AGBL3: variants seen among roughly 807,000 people sequenced by gnomAD.
The protein encoded by AGBL3 is cytosolic carboxypeptidase 3.
AGBL3 carries 68 observed loss-of-function variants against 94.5 expected under a neutral mutation model. That is an observed-to-expected ratio of 0.72 (90% CI 0.59 to 0.88). AGBL3 has a LOEUF of 0.88. Ranked by LOEUF, AGBL3 falls within the 40% of genes least tolerant of loss-of-function variation. The pLI is 0.00. For missense variants in AGBL3, 934 were observed against 1,103.8 expected (o/e 0.85, Z 2.18); for synonymous variants, 354 against 370.7 (o/e 0.95, Z 0.52).
intron 8 of AGBL3, among the ~76,000 whole-genome samples, chr7:135,043,306 T>C (rs1307308911): frequency 6.6e-6 from 1 of 152,154 alleles, no homozygotes; most frequent in Non-Finnish European, 1.5e-5. Context: ...ACAACATGGA[T>C]GGAACTGGAG....
intron 5 of AGBL3, among the ~76,000 whole-genome samples, chr7:135,024,269 G>A (rs1002006839): frequency 7.9e-5 from 12 of 152,200 alleles, no homozygotes; most frequent in African/African-American, 2.9e-4. Flanking sequence ...ACCATAGAGT[G>A]CTGCTGCAGG....
chr7:135,112,181 C>T (rs1006339160), intron 15 of AGBL3, among the ~76,000 whole-genome samples: 2 of 152,170 alleles, frequency 1.3e-5, no homozygotes, highest in Non-Finnish European at 2.9e-5. Context: ...CCTCATTTTG[C>T]CTCCCTTGAA....
intron 5 of AGBL3, among the ~76,000 whole-genome samples, chr7:135,017,497 A>G (rs1349189155): frequency 6.6e-6 from 1 of 152,254 alleles, no homozygotes; most frequent in Admixed American, 6.5e-5. Context: ...TATGGCTCAC[A>G]TTCATGCATT....
At chr7:134,988,127 A>G in intron 2 of AGBL3, 131 bp downstream of exon 2, 1 of 737,430 alleles carries the variant, frequency 1.4e-6, no homozygotes. Context: ...TGAAGTTGGG[A>G]AATAATTTGG....
At chr7:135,096,540 AAAAG>A (rs58038162) in intron 15 of AGBL3, among the ~76,000 whole-genome samples, 3,794 of 64,512 alleles carry the variant, frequency 0.059, 89 homozygotes, top group South Asian at 0.098. Context: ...AACAAAAAGA[AAAAG>A]AAAGAAAGAA....
chr7:135,080,703 T>G (rs1412926885), intron 14 of AGBL3, among the ~76,000 whole-genome samples: 2 of 150,990 alleles, frequency 1.3e-5, no homozygotes, highest in African/African-American at 4.8e-5. Flanking sequence ...TGCAACCTGC[T>G]AAGTCTGATG....
chr7:135,073,540 G>T (rs1820163486), intron 12 of AGBL3, among the ~76,000 whole-genome samples: 1 of 151,744 alleles, frequency 6.6e-6, no homozygotes, highest in African/African-American at 2.4e-5. Flanking sequence ...AGTGTAGTAG[G>T]AAGAGCCGCA....
Position 135,134,951 on chromosome 7 carries a change from GGGTCCAGTCTAA to G in AGBL3, c.2455_2466del (p.Val819_Lys822del). The G allele has an allele frequency of 6.4e-7, 1 of 1,551,128 alleles. No individual in the cohort carries two copies. Among genetic ancestry groups the G allele is most frequent in the Non-Finnish European group, 8.7e-7 (1 of 1,146,646 alleles). On this transcript the variant is annotated inframe_deletion, in exon 17 of 17. Transcript: ENST00000436302. ...GATGTTATGGCAAACTCTTCAGAATGGGTCCAGTCTAAGCCCCACAGGTCATTGGAAAGTTTA... is the reference window on the plus strand; with the variant it reads ...GATGTTATGGCAAACTCTTCAGAATGGCCCCACAGGTCATTGGAAAGTTTA...
At chr7:135,035,062 C>G in intron 7 of AGBL3, 134 bp downstream of exon 7, 2 of 811,324 alleles carry the variant, frequency 2.5e-6, no homozygotes, top group Non-Finnish European at 3.5e-6. Flanking sequence ...TTATTTTTTC[C>G]CCGTTATTCA....
At position 135,126,250 on chromosome 7, in the gene AGBL3, A is replaced by C. The variant is rs144745207; in HGVS notation, c.2343-8591A>C. On this transcript the variant is annotated intron_variant, in intron 16 of 16. Transcript: ENST00000436302. Reference sequence around the variant, plus strand: ...CACAAGCATTCCTTTACACCAACATAGATAAGCAGAGAGCCAAATCATAAA... The same window carrying C: ...CACAAGCATTCCTTTACACCAACATCGATAAGCAGAGAGCCAAATCATAAA... Among the ~76,000 whole-genome samples the C allele has an allele frequency of 4.6e-3, 707 of 152,318 alleles. 3 individuals carry two copies. The highest frequency in any genetic ancestry group is 0.016 in the African/African-American group (673 of 41,578).
At chr7:135,048,998 G>A (rs1416942989) in intron 11 of AGBL3, among the ~76,000 whole-genome samples, 3 of 151,618 alleles carry the variant, frequency 2.0e-5, no homozygotes, top group Non-Finnish European at 4.4e-5. Context: ...GTGGCCAGGT[G>A]AGCATCCTTG....
intron 8 of AGBL3, among the ~76,000 whole-genome samples, chr7:135,042,995 C>T (rs1817012253): frequency 6.6e-6 from 1 of 152,122 alleles, no homozygotes; most frequent in Non-Finnish European, 1.5e-5. Context: ...AATTGCACCT[C>T]AAAAAATTTC....
intron 2 of AGBL3, among the ~76,000 whole-genome samples, chr7:134,988,956 A>C (rs1809856030): frequency 6.6e-6 from 1 of 151,820 alleles, no homozygotes; most frequent in Non-Finnish European, 1.5e-5. Context: ...TCTTAATTTA[A>C]ATAGTTTTCC....
At chr7:135,031,413 C>T (rs1174556844) in intron 5 of AGBL3, among the ~76,000 whole-genome samples, 2 of 152,280 alleles carry the variant, frequency 1.3e-5, no homozygotes, top group East Asian at 3.9e-4. Flanking sequence ...GCATGCACCA[C>T]TACACCGGCT....
Position 135,037,674 on chromosome 7 carries a change from G to T in AGBL3, c.1500+94G>T, listed in dbSNP as rs1008970764. ...CACGTGGATAATACTATTCCAAACT[G>T]CTTTTTTTTTAGTTAGTTTGACCAG... On this transcript the variant is annotated intron_variant, in intron 8 of 16. Coordinates refer to ENST00000436302, the MANE Select transcript of AGBL3 (RefSeq NM_178563.4). 4 of 1,084,700 alleles carry T rather than the reference G, an allele frequency of 3.7e-6. No homozygotes were observed. The African/African-American group carries it at 4.9e-5, about 13-fold the overall frequency. 67.2% of individuals were successfully genotyped at this position (1,084,700 alleles called of 1,614,324 possible).
intron 15 of AGBL3, among the ~76,000 whole-genome samples, chr7:135,096,779 G>GAAAT (rs1563260877): frequency 2.0e-5 from 3 of 149,486 alleles, no homozygotes; most frequent in African/African-American, 7.4e-5. Context: ...AAGAAAGAAA[G>GAAAT]AAAGAAAGAA....
chr7:135,100,972 C>T (rs1347378314), intron 15 of AGBL3, among the ~76,000 whole-genome samples: 2 of 152,186 alleles, frequency 1.3e-5, no homozygotes, highest in Non-Finnish European at 2.9e-5. Flanking sequence ...TATTAAAAGA[C>T]TTTGCATACC....
intron 10 of AGBL3, 48 bp downstream of exon 10, chr7:135,045,622 A>G (rs539114151): frequency 6.7e-7 from 1 of 1,487,010 alleles, no homozygotes; most frequent in South Asian, 1.2e-5. Flanking sequence ...CCTATCAGAT[A>G]ACATAAGCTG....
chr7:135,051,130 T>C (rs1401323404), intron 11 of AGBL3: 1 of 384,888 alleles, frequency 2.6e-6, no homozygotes, highest in Non-Finnish European at 5.0e-6. Context: ...AAGAATGTAC[T>C]AATTTTATAA....
Sources: gnomAD v4.1 joint callset for allele counts (sites outside exome capture counted in the v4.1 genomes callset) on GRCh38, gnomAD v4.1.1 for gene constraint, MANE v1.5 for transcripts, NCBI Gene and HGNC (gene_info 2026-07-23, HGNC 2026-07-21) for gene names.